Variants in SGIP1 observed in about 807,000 individuals in gnomAD.
The protein encoded by SGIP1 is SH3-containing GRB2-like protein 3-interacting protein 1.
In SGIP1, 38 loss-of-function variants were observed where a neutral mutation model predicts 107.5. The ratio of observed to expected loss-of-function variants is 0.35; its 90% confidence interval spans 0.27 to 0.46. The LOEUF is 0.46. Ranked by LOEUF, SGIP1 falls within the 20% of genes least tolerant of loss-of-function variation. The pLI, the probability that SGIP1 is intolerant of heterozygous loss-of-function variation, is 1.00. For missense variants in SGIP1, 929 were observed against 1,019.5 expected (o/e 0.91, Z 1.21); for synonymous variants, 365 against 366.1 (o/e 1.00, Z 0.03).
chr1:66,707,264 G>A (rs1280890788), intron 18 of SGIP1, among the ~76,000 whole-genome samples: 1 of 152,018 alleles, frequency 6.6e-6, no homozygotes, highest in Non-Finnish European at 1.5e-5. Context: ...CAAAGTGCTG[G>A]CCACTATCTT....
chr1:66,728,934 A>G (rs1213052922), intron 19 of SGIP1, among the ~76,000 whole-genome samples: 1 of 152,070 alleles, frequency 6.6e-6, no homozygotes, highest in Non-Finnish European at 1.5e-5. Flanking sequence ...AGAGGAACAA[A>G]AGAAACTAGG....
intron 10 of SGIP1, 81 bp downstream of exon 10, chr1:66,671,100 A>G (rs1057451629): frequency 7.6e-6 from 5 of 660,552 alleles, no homozygotes; most frequent in Admixed American, 5.7e-5. Context: ...ATATGTACAT[A>G]TGAATTATAC....
intron 5 of SGIP1, among the ~76,000 whole-genome samples, chr1:66,640,726 G>A (rs574430459): frequency 2.7e-5 from 4 of 148,292 alleles, no homozygotes; most frequent in Admixed American, 1.4e-4. Flanking sequence ...TAAATGCAGC[G>A]AGAAGCCAGG....
At chr1:66,649,471 T>C (rs1418893884) in intron 7 of SGIP1, among the ~76,000 whole-genome samples, 1 of 152,194 alleles carries the variant, frequency 6.6e-6, no homozygotes, top group Non-Finnish European at 1.5e-5. Context: ...TACAGGGTGG[T>C]TGTTGCCATG....
intron 21 of SGIP1, among the ~76,000 whole-genome samples, chr1:66,736,212 ATATT>A (rs1282139032): frequency 6.9e-6 from 1 of 145,830 alleles, no homozygotes; most frequent in Non-Finnish European, 1.5e-5. Context: ...TTAAATATAA[ATATT>A]TATACAAATA....
At chr1:66,642,319 G>T (rs2149487763) in intron 5 of SGIP1, among the ~76,000 whole-genome samples, 1 of 152,180 alleles carries the variant, frequency 6.6e-6, no homozygotes, top group South Asian at 2.1e-4. Flanking sequence ...CCTAGAAGGA[G>T]CTCCTACTCT....
At chr1:66,568,157 G>T (rs1433147329) in intron 1 of SGIP1, among the ~76,000 whole-genome samples, 1 of 152,030 alleles carries the variant, frequency 6.6e-6, no homozygotes, top group Non-Finnish European at 1.5e-5. Context: ...TTTTCCATTT[G>T]TTTGTGTCCT....
At chr1:66,556,345 A>G (rs1571270043) in intron 1 of SGIP1, among the ~76,000 whole-genome samples, 1 of 152,120 alleles carries the variant, frequency 6.6e-6, no homozygotes, top group Non-Finnish European at 1.5e-5. Flanking sequence ...TAACGGCAGG[A>G]TGTGCCTTCT....
intron 1 of SGIP1, among the ~76,000 whole-genome samples, chr1:66,560,465 G>A (rs529319408): frequency 1.4e-4 from 21 of 152,038 alleles, no homozygotes; most frequent in Admixed American, 1.3e-4. Flanking sequence ...TGTACAATGT[G>A]TTTCCTCTGT....
intron 8 of SGIP1, chr1:66,665,832 T>C (rs1032792643): frequency 6.6e-6 from 1 of 152,250 alleles, no homozygotes; most frequent in African/African-American, 2.4e-5. Context: ...GATTTTTTCT[T>C]GTAAATTTGT....
rs983960787 is a variant in SGIP1, at chr1:66,731,431, A to G, written c.1898+2012A>G. ...TTAGGCATATGTGCAAAAGTTGTAT[A>G]CATATATTAACATACTGGTCTTATA... On this transcript the variant is annotated intron_variant, in intron 20 of 24. Transcript: ENST00000371037. 3.9e-5 allele frequency among the ~76,000 whole-genome samples: 6 copies of G among 152,336 alleles called. No homozygotes were observed. In the South Asian group the frequency reaches 6.2e-4, roughly 16 times the overall value.
intron 4 of SGIP1, among the ~76,000 whole-genome samples, chr1:66,638,859 T>C (rs954171445): frequency 2.0e-5 from 3 of 152,194 alleles, no homozygotes; most frequent in Non-Finnish European, 4.4e-5. Flanking sequence ...CACCATTTGA[T>C]GTGTGTTGTT....
intron 20 of SGIP1, among the ~76,000 whole-genome samples, chr1:66,733,428 G>A (rs545522385): frequency 6.6e-6 from 1 of 152,258 alleles, no homozygotes; most frequent in Non-Finnish European, 1.5e-5. Context: ...TTCATAGAAA[G>A]GGATATTAAG....
chr1:66,663,957 T>A (rs1460755908), intron 8 of SGIP1, among the ~76,000 whole-genome samples: 2 of 152,170 alleles, frequency 1.3e-5, no homozygotes, highest in African/African-American at 4.8e-5. Context: ...ATAAAGTGTC[T>A]TATATGTAAG....
At chr1:66,566,501 C>T (rs2059661556) in intron 1 of SGIP1, among the ~76,000 whole-genome samples, 1 of 152,064 alleles carries the variant, frequency 6.6e-6, no homozygotes, top group South Asian at 2.1e-4. Flanking sequence ...TCGTATGCAG[C>T]AGAATCTAGT....
chr1:66,685,386 C>G lies in SGIP1; in HGVS notation c.1315+3017C>G, dbSNP rs182823919. 1.3e-4 allele frequency among the ~76,000 whole-genome samples: 20 copies of G among 152,290 alleles called. No individual in the cohort carries two copies. In the East Asian group the frequency reaches 3.5e-3, roughly 26 times the overall value. Reference sequence around the variant, plus strand: ...TTCCTTATGTCAAAAGTTATAAATACCTGTTTTGGCCAGAACAGTACTTTA... The same window carrying G: ...TTCCTTATGTCAAAAGTTATAAATAGCTGTTTTGGCCAGAACAGTACTTTA... On this transcript the variant is annotated intron_variant, in intron 15 of 24. Coordinates refer to ENST00000371037, the MANE Select transcript of SGIP1 (RefSeq NM_032291.4).
At chr1:66,607,661 C>A (rs568883334) in intron 1 of SGIP1, among the ~76,000 whole-genome samples, 3 of 152,152 alleles carry the variant, frequency 2.0e-5, no homozygotes, top group African/African-American at 4.8e-5. Flanking sequence ...GCCCCACCCC[C>A]CTACACCATC....
chr1:66,707,761 C>A (rs2092625367), intron 18 of SGIP1, among the ~76,000 whole-genome samples: 1 of 152,088 alleles, frequency 6.6e-6, no homozygotes, highest in Non-Finnish European at 1.5e-5. Flanking sequence ...ATCTTTGGCC[C>A]TTTTAAGCCT....
At chr1:66,695,296 T>C (rs2090681122) in intron 17 of SGIP1, 138 bp from the exon 18 acceptor site, 8 of 1,427,374 alleles carry the variant, frequency 5.6e-6, no homozygotes, top group Non-Finnish European at 7.4e-6. Flanking sequence ...CCTTCCCTTT[T>C]TCCTGCACGC....
Sources: gnomAD v4.1 joint callset for allele counts (sites outside exome capture counted in the v4.1 genomes callset) on GRCh38, gnomAD v4.1.1 for gene constraint, MANE v1.5 for transcripts, NCBI Gene and HGNC (gene_info 2026-07-23, HGNC 2026-07-21) for gene names.